NCLN: variants seen among roughly 807,000 people sequenced by gnomAD.
NCLN encodes the protein BOS complex subunit NCLN.
In NCLN, 34 loss-of-function variants were observed where a neutral mutation model predicts 69.5. The observed-to-expected ratio is 0.49, with a 90% CI of 0.37 to 0.65. The LOEUF is 0.65. NCLN is among the 30% of genes least tolerant of loss of function. The probability of loss-of-function intolerance (pLI) is 0.00; values close to 1 mark genes in which losing one functional copy is unlikely to be tolerated. For missense variants in NCLN, 710 were observed against 804.8 expected (o/e 0.88, Z 1.42); for synonymous variants, 393 against 358.3 (o/e 1.10, Z -1.09).
At chr19:3,188,306 C>G (rs796927478) in intron 1 of NCLN, among the ~76,000 whole-genome samples, 1 of 152,248 alleles carries the variant, frequency 6.6e-6, no homozygotes, top group African/African-American at 2.4e-5. Flanking sequence ...GCTCCCTACA[C>G]TGTCCCTGGG....
chr19:3,201,485 C>T (rs373531721), intron 5 of NCLN, 38 bp from the exon 6 acceptor site: 48 of 1,471,508 alleles, frequency 3.3e-5, no homozygotes, highest in African/African-American at 8.4e-5. Flanking sequence ...GGGAGCCGGG[C>T]GGGGGTGACT....
At chr19:3,193,949 G>T (rs372130142) in intron 3 of NCLN, among the ~76,000 whole-genome samples, 1 of 152,226 alleles carries the variant, frequency 6.6e-6, no homozygotes, top group Non-Finnish European at 1.5e-5. Flanking sequence ...GGGAGTTGCC[G>T]CTGTGGAGAG....
chr19:3,203,993 G>A lies in NCLN; in HGVS notation c.890-12G>A, dbSNP rs369048538. 1.9e-5 allele frequency: 30 copies of A among 1,558,950 alleles called. No homozygotes were observed. Among genetic ancestry groups the A allele is most frequent in the Middle Eastern group, 1.8e-4 (1 of 5,442 alleles). ...GTCCCCACCCACCCCGCCAGCTCTC[G>A]GTGTCCTGCAGACTCCAGCCTGCTT... On this transcript the variant is annotated splice_polypyrimidine_tract_variant and intron_variant, in intron 7 of 14. Coordinates refer to ENST00000246117, the MANE Select transcript of NCLN (RefSeq NM_020170.4).
Position 3,204,632 on chromosome 19 carries a change from G to C in NCLN, c.1089G>C (p.Leu363=). The C allele has an allele frequency of 6.2e-7, 1 of 1,607,400 alleles. No individual in the cohort carries two copies. Among genetic ancestry groups the C allele is most frequent in the Non-Finnish European group, 8.5e-7 (1 of 1,177,168 alleles). ...CCATGGTGCACAAGCGGATCAACCTGGCGGAGGACGTGCTGGCCTGGGAGC... is the reference window on the plus strand; with the variant it reads ...CCATGGTGCACAAGCGGATCAACCTCGCGGAGGACGTGCTGGCCTGGGAGC... ...RFSMVHKRIN[L]AEDVLAWEHE... is the part of the protein sequence containing the mutation. Residue 363 remains leucine, a synonymous_variant, in exon 9 of 15, where the codon CTG becomes CTC. Coordinates refer to ENST00000246117, the MANE Select transcript of NCLN (RefSeq NM_020170.4).
At chr19:3,207,158 G>C in intron 12 of NCLN, 40 bp from the exon 13 acceptor site, 1 of 1,608,088 alleles carries the variant, frequency 6.2e-7, no homozygotes, top group South Asian at 1.1e-5. Flanking sequence ...AGAATTAGCT[G>C]GGCGCAGTGG....
intron 1 of NCLN, among the ~76,000 whole-genome samples, chr19:3,187,438 C>T (rs1306257947): frequency 1.3e-5 from 2 of 152,202 alleles, no homozygotes; most frequent in Non-Finnish European, 2.9e-5. Context: ...TGGATTGGTC[C>T]CTCTCGTCAC....
intron 1 of NCLN, among the ~76,000 whole-genome samples, chr19:3,190,678 A>G (rs556160058): frequency 2.0e-5 from 3 of 152,190 alleles, no homozygotes; most frequent in East Asian, 3.9e-4. Context: ...GGTCCTGGGC[A>G]TCGTGATTTT....
chr19:3,197,994 A>T lies in NCLN; in HGVS notation c.616-823A>T, dbSNP rs141668323. ...CCGTCCATGGCAGTTTCTTAGTTGTAACAGACACCATCTGGTCCCCAAGGC... is the reference window on the plus strand; with the variant it reads ...CCGTCCATGGCAGTTTCTTAGTTGTTACAGACACCATCTGGTCCCCAAGGC... On this transcript the variant is annotated intron_variant, in intron 4 of 14. Coordinates refer to ENST00000246117, the MANE Select transcript of NCLN (RefSeq NM_020170.4). Among the ~76,000 whole-genome samples, 354 of 152,340 alleles carry T rather than the reference A, an allele frequency of 2.3e-3. 4 individuals are homozygous for T. The highest frequency in any genetic ancestry group is 0.014 in the Middle Eastern group (4 of 294).
At chr19:3,190,875 G>A (rs1268501284) in intron 1 of NCLN, among the ~76,000 whole-genome samples, 1 of 152,164 alleles carries the variant, frequency 6.6e-6, no homozygotes, top group Non-Finnish European at 1.5e-5. Context: ...GTGATGTGAC[G>A]TAAGAATTGG....
At chr19:3,191,304 A>G (rs777772286) in intron 1 of NCLN, among the ~76,000 whole-genome samples, 2 of 152,054 alleles carry the variant, frequency 1.3e-5, no homozygotes, top group African/African-American at 4.8e-5. Flanking sequence ...AGCCCTGGCG[A>G]GTTTCCAGAG....
At chr19:3,197,212 A>C (rs311618) in intron 4 of NCLN, among the ~76,000 whole-genome samples, 1 of 152,040 alleles carries the variant, frequency 6.6e-6, no homozygotes, top group South Asian at 2.1e-4. Flanking sequence ...ACAGTGGCAC[A>C]GGCGCTGGGC....
chr19:3,195,399 A>G (rs1237529314), intron 3 of NCLN, among the ~76,000 whole-genome samples: 3 of 151,638 alleles, frequency 2.0e-5, no homozygotes, highest in Non-Finnish European at 4.4e-5. Flanking sequence ...ACAGGTGCCC[A>G]CCACCACGCC....
At chr19:3,192,805 A>C in intron 2 of NCLN, 145 bp downstream of exon 2, 6 of 803,784 alleles carry the variant, frequency 7.5e-6, no homozygotes, top group Non-Finnish European at 1.1e-5. Context: ...ATTGATCTCC[A>C]AGGGGTGATT....
intron 3 of NCLN, among the ~76,000 whole-genome samples, chr19:3,194,244 G>A (rs1170316780): frequency 2.0e-5 from 3 of 152,330 alleles, no homozygotes; most frequent in South Asian, 2.1e-4. Context: ...TTAGCCGGGC[G>A]CGGTGGCAGG....
intron 4 of NCLN, among the ~76,000 whole-genome samples, chr19:3,196,542 C>T (rs1036163526): frequency 1.3e-5 from 2 of 152,102 alleles, no homozygotes; most frequent in South Asian, 2.1e-4. Context: ...TGGACCCCCA[C>T]ACACCAAGCC....
At position 3,198,820 on chromosome 19, in the gene NCLN, C is replaced by G; in HGVS notation, c.619C>G (p.Arg207Gly). 1 of 1,581,330 alleles carries G rather than the reference C, an allele frequency of 6.3e-7. No individual in the cohort carries two copies. The highest frequency in any genetic ancestry group is 8.6e-7 in the Non-Finnish European group (1 of 1,164,860). The stretch of plus-strand genomic sequence containing the variant: ...TTCCCCTGCTCTCTATCCACAGGGG[C>G]GGCTGACGGGGCTGGGCGGAGAGGA... Reference protein sequence around the residue: ...SDWLIASVEGRLTGLGGEDLP... With the variant: ...SDWLIASVEGGLTGLGGEDLP... Residue 207 changes from arginine (R) to glycine (G), a missense_variant, in exon 5 of 15, where the codon CGG becomes GGG. Physicochemically the swap from Arg to Gly is moderately radical, Grantham distance 125. Coordinates refer to ENST00000246117, the MANE Select transcript of NCLN (RefSeq NM_020170.4).
At chr19:3,196,017 T>C (rs1005369669) in intron 3 of NCLN, among the ~76,000 whole-genome samples, 166 bp from the exon 4 acceptor site, 2 of 152,154 alleles carry the variant, frequency 1.3e-5, no homozygotes. Context: ...AAGGTTGTCC[T>C]AGGGGGAGCA....
At chr19:3,192,743 A>G in intron 2 of NCLN, 83 bp downstream of exon 2, 1 of 1,281,170 alleles carries the variant, frequency 7.8e-7, no homozygotes, top group South Asian at 1.6e-5. Flanking sequence ...TAGGCGGGTC[A>G]CTTCGCCTCT....
At position 3,186,075 on chromosome 19, in the gene NCLN, G is replaced by T. The variant is rs755292026; in HGVS notation, c.45G>T (p.Ala15=). Residue 15 remains alanine (A), a synonymous_variant, in exon 1 of 15, where the codon GCG becomes GCT. Coordinates refer to ENST00000246117, the MANE Select transcript of NCLN (RefSeq NM_020170.4). Reference sequence around the variant, plus strand: ...AGGTGCTGGAGAACATGCTGAAGGCGTCTTGTCTGCCGCTCGGCTTCATCG... The same window carrying T: ...AGGTGCTGGAGAACATGCTGAAGGCTTCTTGTCTGCCGCTCGGCTTCATCG... ...AGEVLENMLK[A]SCLPLGFIVF... 2 of 1,598,774 alleles carry T rather than the reference G, an allele frequency of 1.3e-6. No homozygotes were observed. Among genetic ancestry groups the T allele is most frequent in the Non-Finnish European group, 1.7e-6 (2 of 1,174,608 alleles).
Sources: allele counts gnomAD v4.1 joint callset (sites outside exome capture counted in the v4.1 genomes callset), GRCh38; gene constraint gnomAD v4.1.1; transcripts MANE v1.5; gene names NCBI Gene and HGNC (gene_info 2026-07-23, HGNC 2026-07-21).